The following SGK3 variants were observed in gnomAD, a reference collection of about 807,000 sequenced individuals.
The protein encoded by SGK3 is serum/glucocorticoid regulated kinase family member 3.
SGK3 carries 47 observed loss-of-function variants against 68.5 expected under a neutral mutation model. That is an observed-to-expected ratio of 0.69 (90% CI 0.54 to 0.87). SGK3 has a LOEUF of 0.87. SGK3 is among the 40% of genes least tolerant of loss of function. The pLI is 0.00. For synonymous variants in SGK3, 181 were observed against 189.1 expected, an observed-to-expected ratio of 0.96 and a Z score of 0.35; for missense variants, 479 against 575.5, an observed-to-expected ratio of 0.83 and a Z score of 1.72.
At chr8:66,843,823 A>T (rs1356419861) in intron 14 of SGK3, among the ~76,000 whole-genome samples, 2 of 152,032 alleles carry the variant, frequency 1.3e-5, no homozygotes, top group South Asian at 4.1e-4. Context: ...GCGAAATCCC[A>T]TCTCTACTAA....
intron 10 of SGK3, among the ~76,000 whole-genome samples, chr8:66,837,736 A>G (rs1220338658): frequency 4.6e-5 from 7 of 152,182 alleles, no homozygotes; most frequent in Non-Finnish European, 1.0e-4. Context: ...ATGAGCCATG[A>G]TCACACAACT....
chr8:66,792,599 CT>C (rs1304111572), intron 1 of SGK3, among the ~76,000 whole-genome samples: 1 of 152,060 alleles, frequency 6.6e-6, no homozygotes, highest in Non-Finnish European at 1.5e-5. Context: ...ATTATTTAGT[CT>C]GGGTGCGGTG....
At chr8:66,729,976 A>G (rs1001960582) in intron 1 of SGK3, among the ~76,000 whole-genome samples, 2 of 152,076 alleles carry the variant, frequency 1.3e-5, no homozygotes, top group African/African-American at 4.8e-5. Context: ...TCTCGACCTC[A>G]GGTGATCCAC....
chr8:66,820,027 A>G (rs1233182488), intron 5 of SGK3, among the ~76,000 whole-genome samples: 1 of 152,102 alleles, frequency 6.6e-6, no homozygotes, highest in Non-Finnish European at 1.5e-5. Context: ...TATGTTGGCC[A>G]GGCTGGTCTT....
At chr8:66,777,951 G>A (rs916040695) in intron 1 of SGK3, 1 of 152,200 alleles carries the variant, frequency 6.6e-6, no homozygotes, top group Non-Finnish European at 1.5e-5. Context: ...TCTCCGATGT[G>A]GGCAGGGATT....
chr8:66,786,070 T>C (rs1265239724), intron 1 of SGK3, among the ~76,000 whole-genome samples: 1 of 152,232 alleles, frequency 6.6e-6, no homozygotes, highest in East Asian at 1.9e-4. Flanking sequence ...CCCTTCTTAC[T>C]CTGTTTTATT....
At chr8:66,839,914 C>T in intron 10 of SGK3, 89 bp from the exon 11 acceptor site, 1 of 1,245,516 alleles carries the variant, frequency 8.0e-7, no homozygotes, top group Non-Finnish European at 1.1e-6. Context: ...CAATTCCTAC[C>T]TTTGTATTTA....
At chr8:66,779,592 ATATATATAT>A (rs200280478) in intron 1 of SGK3, among the ~76,000 whole-genome samples, 1,622 of 132,030 alleles carry the variant, frequency 0.012, 44 homozygotes, top group South Asian at 0.029. Flanking sequence ...ATATATATAT[ATATATATAT>A]AAAACACATT....
At chr8:66,714,293 T>C (rs1184844275) in intron 1 of SGK3, among the ~76,000 whole-genome samples, 1 of 152,242 alleles carries the variant, frequency 6.6e-6, no homozygotes, top group Non-Finnish European at 1.5e-5. Context: ...AAACATTGAA[T>C]TGGTAGGTCA....
chr8:66,843,992 TCAAAAAAAA>T (rs1809903350), intron 14 of SGK3, among the ~76,000 whole-genome samples: 1 of 30,050 alleles, frequency 3.3e-5, no homozygotes, highest in African/African-American at 1.8e-4. Flanking sequence ...AGACTCTGTC[TCAAAAAAAA>T]AAAAAAAAAA....
chr8:66,772,901 G>A (rs945129789), intron 1 of SGK3, among the ~76,000 whole-genome samples: 3 of 152,136 alleles, frequency 2.0e-5, no homozygotes, highest in Non-Finnish European at 4.4e-5. Flanking sequence ...TTACAGGTGT[G>A]AGCCACCATA....
chr8:66,832,440 A>G (rs1204511957), intron 8 of SGK3, among the ~76,000 whole-genome samples: 1 of 152,194 alleles, frequency 6.6e-6, no homozygotes, highest in Non-Finnish European at 1.5e-5. Flanking sequence ...TGGCTATGCA[A>G]TTAAACCCAT....
At chr8:66,803,519 G>T (rs971592948) in intron 3 of SGK3, among the ~76,000 whole-genome samples, 1 of 139,180 alleles carries the variant, frequency 7.2e-6, no homozygotes, top group Non-Finnish European at 1.5e-5. Context: ...TTTTACATGT[G>T]TGTGTGTATT....
chr8:66,807,009 A>G (rs1387570416), intron 4 of SGK3, among the ~76,000 whole-genome samples: 2 of 152,152 alleles, frequency 1.3e-5, no homozygotes, highest in Admixed American at 1.3e-4. Flanking sequence ...TGTGTAATTT[A>G]TGGTGGGCAC....
rs563088167 is a variant in SGK3 at position 66,743,959 on chromosome 8, G to C, written c.-122+31126G>C. 1.1e-4 allele frequency among the ~76,000 whole-genome samples: 17 copies of C among 152,216 alleles called. No homozygotes were observed. In the Middle Eastern group the frequency reaches 0.01, roughly 91 times the overall value. On this transcript the variant is annotated intron_variant, in intron 1 of 16. Transcript: ENST00000521198. ...TCCTCCAGGAGTCCTCTGTCCTTTT[G>C]TTCCAATCTGGGATGCTGCTGCACA...
intron 1 of SGK3, among the ~76,000 whole-genome samples, chr8:66,718,935 T>C (rs1804722470): frequency 6.6e-6 from 1 of 152,144 alleles, no homozygotes; most frequent in East Asian, 1.9e-4. Flanking sequence ...TTTAGTTTTG[T>C]CTTCCATTTT....
At chr8:66,725,135 A>G (rs1416163375) in intron 1 of SGK3, among the ~76,000 whole-genome samples, 1 of 152,116 alleles carries the variant, frequency 6.6e-6, no homozygotes, top group African/African-American at 2.4e-5. Flanking sequence ...AGGGTGAGGC[A>G]GGAGAATGGC....
intron 16 of SGK3, among the ~76,000 whole-genome samples, chr8:66,852,343 G>A (rs995750150): frequency 9.0e-5 from 13 of 143,752 alleles, no homozygotes; most frequent in Admixed American, 3.7e-4. Context: ...GTGCAGTGGC[G>A]CGATCTTGGC....
chr8:66,724,018 C>T (rs181696616), intron 1 of SGK3, among the ~76,000 whole-genome samples: 11 of 152,288 alleles, frequency 7.2e-5, no homozygotes, highest in African/African-American at 2.6e-4. Context: ...TCCCTTTGAA[C>T]TTTGTCTTCC....
Sources: allele counts gnomAD v4.1 joint callset (sites outside exome capture counted in the v4.1 genomes callset), GRCh38; gene constraint gnomAD v4.1.1; transcripts MANE v1.5; gene names NCBI Gene and HGNC (gene_info 2026-07-23, HGNC 2026-07-21).